Variants in ATP5F1A observed in about 807,000 individuals in gnomAD.
The protein encoded by ATP5F1A is ATP synthase F(1) complex subunit alpha, mitochondrial.
A neutral mutation model predicts 57.4 loss-of-function variants in ATP5F1A; 24 were observed. The observed-to-expected ratio is 0.42, with a 90% CI of 0.30 to 0.59. The LOEUF is 0.59. Among genes scored for constraint, ATP5F1A ranks in the 20% least tolerant of loss-of-function variants. The pLI is 0.19. For synonymous variants in ATP5F1A, 251 were observed against 255.5 expected, an observed-to-expected ratio of 0.98 and a Z score of 0.17; for missense variants, 494 against 707.9, an observed-to-expected ratio of 0.70 and a Z score of 3.43.
intron 1 of ATP5F1A, among the ~76,000 whole-genome samples, chr18:46,096,190 G>A (rs868430601): frequency 7.9e-5 from 12 of 152,004 alleles, no homozygotes; most frequent in African/African-American, 2.9e-4. Flanking sequence ...CACCCGGCCT[G>A]GCAGTCAGTA....
At position 46,088,191 on chromosome 18, in the gene ATP5F1A, CTTT is replaced by C; in HGVS notation, c.714_716del (p.Lys241del). 6.2e-7 allele frequency: 1 copy of C among 1,605,234 alleles called. No homozygotes were observed. The highest frequency in any genetic ancestry group is 8.5e-7 in the Non-Finnish European group (1 of 1,178,292). On this transcript the variant is annotated inframe_deletion, in exon 6 of 12. Transcript: ENST00000398752. ...CAACATAAATACAGTACAGCTTCTT[CTTT>C]TCATCAGATCCATCATTGAAACGTT...
upstream of ATP5F1A, among the ~76,000 whole-genome samples, chr18:46,099,768 C>T (rs758970804): frequency 2.0e-5 from 3 of 152,162 alleles, no homozygotes; most frequent in Non-Finnish European, 2.9e-5. Flanking sequence ...AGTTCCATCC[C>T]CCAAATCCTG....
In ATP5F1A at chr18:46,081,669, A is replaced by AAACAAAAAAC. The variant is rs1568240622; in HGVS notation, c.*2612_*2613insGTTTTTTGTT. The AAACAAAAAAC allele has an allele frequency of 9.7e-6, 1 of 103,010 alleles. No homozygotes were observed. Among genetic ancestry groups the AAACAAAAAAC allele is most frequent in the Non-Finnish European group, 1.9e-5 (1 of 51,510 alleles). 6.4% of individuals were successfully genotyped at this position (103,010 alleles called of 1,614,324 possible). On this transcript the variant is annotated 3_prime_UTR_variant, in exon 12 of 12. Transcript: ENST00000398752. ...ACAAGAGCAAAACTCTCAAAAAAAAAAAACAAAAAAAAAAAAAAAAAAAAA... is the reference window on the plus strand; with the variant it reads ...ACAAGAGCAAAACTCTCAAAAAAAAAAACAAAAAACAAACAAAAAAAAAAAAAAAAAAAAA...
In ATP5F1A at chr18:46,084,188, A is replaced by T. The variant is rs1327546048; in HGVS notation, c.*94T>A. 4.0e-6 allele frequency: 4 copies of T among 997,758 alleles called. No homozygotes were observed. Among genetic ancestry groups the T allele is most frequent in the Non-Finnish European group, 6.0e-6 (4 of 672,220 alleles). 61.8% of individuals were successfully genotyped at this position (997,758 alleles called of 1,614,324 possible). ...TTTATTTTTCATGTGATTTCTGTAC[A>T]TAAGGAGTATGAGAGTAACCCTTTT... On this transcript the variant is annotated 3_prime_UTR_variant, in exon 12 of 12. Coordinates refer to ENST00000398752, the MANE Select transcript of ATP5F1A (RefSeq NM_004046.6).
chr18:46,094,831 C>A, intron 2 of ATP5F1A: 1 of 550,968 alleles, frequency 1.8e-6, no homozygotes, highest in East Asian at 4.0e-5. Flanking sequence ...ACAAAGAAGC[C>A]ATACTAATAT....
rs1370260415 is a variant in ATP5F1A, at chr18:46,084,123, A to G, written c.*159T>C. ...CTCAATTTGATCTTGGTTTTAAAGA[A>G]TAACACAAATGACAGAAAACAACTA... On this transcript the variant is annotated 3_prime_UTR_variant, in exon 12 of 12. Coordinates refer to ENST00000398752, the MANE Select transcript of ATP5F1A (RefSeq NM_004046.6). 2 of 577,484 alleles carry G rather than the reference A, an allele frequency of 3.5e-6. No individual in the cohort carries two copies. The highest frequency in any genetic ancestry group is 5.7e-6 in the Non-Finnish European group (2 of 350,486). 35.8% of individuals were successfully genotyped at this position (577,484 alleles called of 1,614,324 possible). A position where few individuals can be genotyped will look rare whatever the true frequency, so the allele number is the denominator to read the frequency against.
In ATP5F1A at chr18:46,089,714, T is replaced by C. The variant is rs763953264; in HGVS notation, c.502A>G (p.Thr168Ala). The C allele has an allele frequency of 6.2e-7, 1 of 1,614,110 alleles. No individual in the cohort carries two copies. The highest frequency in any genetic ancestry group is 8.5e-7 in the Non-Finnish European group (1 of 1,179,966). The change falls in exon 5 of 12, where the codon ACG becomes GCG. Residue 168 changes from threonine (T) to alanine (A), a missense_variant. This residue lies in a region of ATP5F1A where 191 missense variants were observed against 267.7 expected (regional missense o/e 0.71). Transcript: ENST00000398752. ...GCTTTCAGACCAACTCGCCTACGCG[T>C]CTTGGAACCAATTGGACCCTGTTAA... ...IDGKGPIGSK[T>A]RRRVGLKAPG...
chr18:46,089,106 TAG>T lies in ATP5F1A; in HGVS notation c.650+458_650+459del, dbSNP rs371832796. Among the ~76,000 whole-genome samples the T allele has an allele frequency of 5.9e-3, 895 of 151,820 alleles. 12 individuals are homozygous for T. The highest frequency in any genetic ancestry group is 0.021 in the African/African-American group (860 of 41,400). On this transcript the variant is annotated intron_variant, in intron 5 of 11. Coordinates refer to ENST00000398752, the MANE Select transcript of ATP5F1A (RefSeq NM_004046.6). ...TGCCACATCCCCCACACCGAGATAGTAGAGATAGTGATCAATAAATACTGAGG... is the reference window on the plus strand; with the variant it reads ...TGCCACATCCCCCACACCGAGATAGTAGATAGTGATCAATAAATACTGAGG...
chr18:46,103,561 G>GCCGAGAT (rs1396620430), intron 1 of ATP5F1A, among the ~76,000 whole-genome samples: 1 of 133,428 alleles, frequency 7.5e-6, no homozygotes, highest in African/African-American at 2.9e-5. Context: ...AGAGCCGAGA[G>GCCGAGAT]CCGAGATCGT....
rs71160709 is a variant in ATP5F1A, at chr18:46,096,982, C to CAAAAA, written c.60+1185_60+1189dup. On this transcript the variant is annotated intron_variant, in intron 1 of 11. Coordinates refer to ENST00000398752, the MANE Select transcript of ATP5F1A (RefSeq NM_004046.6). Reference sequence around the variant, plus strand: ...TGGGCGACTGAGCGAGACACCATCTCAAAAAAAAAAAAAAAAAAAAAAAAC... The same window carrying CAAAAA: ...TGGGCGACTGAGCGAGACACCATCTCAAAAAAAAAAAAAAAAAAAAAAAAAAAAAC... Among the ~76,000 whole-genome samples, 316 of 75,130 alleles carry CAAAAA rather than the reference C, an allele frequency of 4.2e-3. 10 individuals carry two copies. Among genetic ancestry groups the CAAAAA allele is most frequent in the Admixed American group, 0.016 (100 of 6,188 alleles). The allele number at this position is 75,130 out of a possible 152,430, so 49.3% of individuals were successfully genotyped here. A position where few individuals can be genotyped will look rare whatever the true frequency, so the allele number is the denominator to read the frequency against.
chr18:46,103,596 CAG>C (rs1190946488), intron 1 of ATP5F1A, among the ~76,000 whole-genome samples: 3 of 103,738 alleles, frequency 2.9e-5, no homozygotes, highest in African/African-American at 1.2e-4. Flanking sequence ...GCCTGAACAA[CAG>C]AGACTCCATC....
upstream of ATP5F1A, among the ~76,000 whole-genome samples, chr18:46,101,178 T>G (rs1911264399): frequency 1.3e-5 from 2 of 152,202 alleles, 1 homozygote; most frequent in South Asian, 4.1e-4. Flanking sequence ...CTGAGTGCTT[T>G]TTTTTCCCTT....
In ATP5F1A at chr18:46,081,887, C is replaced by G. The variant is rs1438760648; in HGVS notation, c.*2395G>C. The G allele has an allele frequency of 6.6e-6, 1 of 151,638 alleles. No homozygotes were observed. Among genetic ancestry groups the G allele is most frequent in the Non-Finnish European group, 1.5e-5 (1 of 67,956 alleles). 9.4% of individuals were successfully genotyped at this position (151,638 alleles called of 1,614,324 possible). On this transcript the variant is annotated 3_prime_UTR_variant, in exon 12 of 12. Transcript: ENST00000398752. The stretch of plus-strand genomic sequence containing the variant: ...TACTTTAAGAACTCTCCTTTTCCTA[C>G]CAAAGATATTGGAGCCCACATATGT...
At position 46,082,227 on chromosome 18, in the gene ATP5F1A, C is replaced by CA. The variant is rs34123568; in HGVS notation, c.*2054dup. 0.39 allele frequency: 54,824 copies of CA among 140,758 alleles called. 10,670 individuals are homozygous for CA. Among genetic ancestry groups the CA allele is most frequent in the Middle Eastern group, 0.54 (150 of 278 alleles). The allele number at this position is 140,758 out of a possible 1,614,324, so 8.7% of individuals were successfully genotyped here. A position where few individuals can be genotyped will look rare whatever the true frequency, so the allele number is the denominator to read the frequency against. Reference sequence around the variant, plus strand: ...TGAAACCCCGTCTCTACTAAAAATACAAAAAAAAAAAAATTAGCTGGGCGT... The same window carrying CA: ...TGAAACCCCGTCTCTACTAAAAATACAAAAAAAAAAAAAATTAGCTGGGCGT... On this transcript the variant is annotated 3_prime_UTR_variant, in exon 12 of 12. Coordinates refer to ENST00000398752, the MANE Select transcript of ATP5F1A (RefSeq NM_004046.6).
At position 46,086,216 on chromosome 18, in the gene ATP5F1A, C is replaced by G; in HGVS notation, c.1326G>C (p.Glu442Asp). ...TMKLELAQYR[E>D]VAAFAQFGSD... Reference sequence around the variant, plus strand: ...AACCGAACTGGGCAAAAGCAGCAACCTCACGATACTGAGCCAATTCCAGCT... The same window carrying G: ...AACCGAACTGGGCAAAAGCAGCAACGTCACGATACTGAGCCAATTCCAGCT... The change falls in exon 10 of 12, where the codon GAG becomes GAC. Residue 442 changes from glutamate (E) to aspartate (D), a missense_variant. By Grantham distance (45) the Glu-to-Asp change is conservative. Coordinates refer to ENST00000398752, the MANE Select transcript of ATP5F1A (RefSeq NM_004046.6). 2 of 1,613,272 alleles carry G rather than the reference C, an allele frequency of 1.2e-6. No individual in the cohort carries two copies. Among genetic ancestry groups the G allele is most frequent in the Non-Finnish European group, 1.7e-6 (2 of 1,180,040 alleles).
Position 46,080,390 on chromosome 18 carries a change from G to C in ATP5F1A, c.*3892C>G, listed in dbSNP as rs1410387897. On this transcript the variant is annotated 3_prime_UTR_variant, in exon 12 of 12. Coordinates refer to ENST00000398752, the MANE Select transcript of ATP5F1A (RefSeq NM_004046.6). ...GACACAATTTTATGACAGCCATTTT[G>C]TTGCCACACAGAAGGGCCACTTGGG... is the stretch of plus-strand genomic sequence containing the variant. The C allele has an allele frequency of 6.6e-6, 1 of 152,200 alleles. No homozygotes were observed. Among genetic ancestry groups the C allele is most frequent in the Non-Finnish European group, 1.5e-5 (1 of 68,034 alleles). The allele number at this position is 152,200 out of a possible 1,614,324, so 9.4% of individuals were successfully genotyped here. A position where few individuals can be genotyped will look rare whatever the true frequency, so the allele number is the denominator to read the frequency against.
chr18:46,090,308 T>C (rs1467844751), intron 3 of ATP5F1A, among the ~76,000 whole-genome samples: 2 of 152,214 alleles, frequency 1.3e-5, no homozygotes, highest in East Asian at 3.8e-4. Context: ...GTATTTTCTT[T>C]GGCAATGATT....
chr18:46,099,291 T>G (rs1911193241), upstream of ATP5F1A: 1 of 151,950 alleles, frequency 6.6e-6, no homozygotes, highest in African/African-American at 2.4e-5. Flanking sequence ...AAAAAACACT[T>G]TCTATGCTTA....
rs1409175480 is a variant in ATP5F1A at position 46,081,843 on chromosome 18, A to T, written c.*2439T>A. 1 of 152,082 alleles carries T rather than the reference A, an allele frequency of 6.6e-6. No homozygotes were observed. Among genetic ancestry groups the T allele is most frequent in the Non-Finnish European group, 1.5e-5 (1 of 68,018 alleles). The allele number at this position is 152,082 out of a possible 1,614,324, so 9.4% of individuals were successfully genotyped here. ...TATCAAGTTTAGTGTTCCTCTAAGT[A>T]CTGAAAAGGACTTATGAGTACTTTA... On this transcript the variant is annotated 3_prime_UTR_variant, in exon 12 of 12. Coordinates refer to ENST00000398752, the MANE Select transcript of ATP5F1A (RefSeq NM_004046.6).
Sources: allele counts gnomAD v4.1 joint callset (sites outside exome capture counted in the v4.1 genomes callset), GRCh38; gene constraint gnomAD v4.1.1; regional missense constraint gnomAD v4.1.1; transcripts MANE v1.5; gene names NCBI Gene and HGNC (gene_info 2026-07-23, HGNC 2026-07-21).